PRIMA1: variants seen among roughly 807,000 people sequenced by gnomAD.
The protein encoded by PRIMA1 is proline-rich membrane anchor 1.
A neutral mutation model predicts 17.5 loss-of-function variants in PRIMA1; 7 were observed. The observed-to-expected ratio is 0.40, with a 90% CI of 0.23 to 0.75. The LOEUF (loss-of-function observed/expected upper bound fraction) is 0.75, where lower values mean the gene tolerates loss of function less well. PRIMA1 is among the 30% of genes least tolerant of loss of function. The pLI, the probability that PRIMA1 is intolerant of heterozygous loss-of-function variation, is 0.37. For synonymous variants in PRIMA1, 97 were observed against 77.9 expected (o/e 1.25, Z -1.29); for missense variants, 200 against 201.8 (o/e 0.99, Z 0.05).
intron 3 of PRIMA1, among the ~76,000 whole-genome samples, chr14:93,771,559 AC>A (rs914969381): frequency 2.0e-4 from 30 of 152,234 alleles, no homozygotes; most frequent in African/African-American, 7.2e-4. Context: ...TGCATGAAAG[AC>A]CCCAAGCAGG....
chr14:93,737,687 A>G (rs1296515888), intron 3 of PRIMA1, among the ~76,000 whole-genome samples: 1 of 152,170 alleles, frequency 6.6e-6, no homozygotes, highest in Admixed American at 6.5e-5. Flanking sequence ...ACCTGGCTGA[A>G]GGCTCCCTGA....
rs8008104 is a variant in PRIMA1 at position 93,720,026 on chromosome 14, A to G, written c.*1418T>C. On this transcript the variant is annotated 3_prime_UTR_variant, in exon 5 of 5. Transcript: ENST00000393140. ...CTCTGGACTTCAAAGTCTCACCTGTAGCTTAAACACCTATCAGAGGAGCAC... is the reference window on the plus strand; with the variant it reads ...CTCTGGACTTCAAAGTCTCACCTGTGGCTTAAACACCTATCAGAGGAGCAC... 11,949 of 152,320 alleles carry G rather than the reference A, an allele frequency of 0.078. 530 individuals carry two copies. The highest frequency in any genetic ancestry group is 0.19 in the Middle Eastern group (55 of 296). The allele number at this position is 152,320 out of a possible 1,614,324, so 9.4% of individuals were successfully genotyped here.
chr14:93,735,247 T>G lies in PRIMA1; in HGVS notation c.359+1994A>C, dbSNP rs529684815. ...CAAAAAGCAGCTACCGAAGCTAATC[T>G]TCAGTACTTCCTAGTGTCTAGTCAC... On this transcript the variant is annotated intron_variant, in intron 4 of 4. Coordinates refer to ENST00000393140, the MANE Select transcript of PRIMA1 (RefSeq NM_178013.4). 2.0e-5 allele frequency among the ~76,000 whole-genome samples: 3 copies of G among 152,322 alleles called. No individual in the cohort carries two copies. The South Asian group carries it at 6.2e-4, about 32-fold the overall frequency.
chr14:93,731,148 G>A (rs759479463), intron 4 of PRIMA1, among the ~76,000 whole-genome samples: 15 of 114,286 alleles, frequency 1.3e-4, no homozygotes, highest in Admixed American at 1.1e-3. Flanking sequence ...GTTACACTAA[G>A]GTAAGCACTG....
chr14:93,776,604 C>T (rs1885227731), intron 3 of PRIMA1, among the ~76,000 whole-genome samples: 2 of 152,206 alleles, frequency 1.3e-5, no homozygotes, highest in Admixed American at 6.5e-5. Context: ...AATATAGGCT[C>T]ATGTCACTTC....
chr14:93,719,832 A>G lies in PRIMA1; in HGVS notation c.*1612T>C, dbSNP rs1432694365. On this transcript the variant is annotated 3_prime_UTR_variant, in exon 5 of 5. Coordinates refer to ENST00000393140, the MANE Select transcript of PRIMA1 (RefSeq NM_178013.4). ...TCAAATAGAAGGAAATGAGGAAAGA[A>G]GAAAACCCCTTTATGGGAGGGTATG... 1 of 152,388 alleles carries G rather than the reference A, an allele frequency of 6.6e-6. No individual in the cohort carries two copies. Among genetic ancestry groups the G allele is most frequent in the Admixed American group, 6.5e-5 (1 of 15,284 alleles). 9.4% of individuals were successfully genotyped at this position (152,388 alleles called of 1,614,324 possible). A position where few individuals can be genotyped will look rare whatever the true frequency, so the allele number is the denominator to read the frequency against.
intron 2 of PRIMA1, among the ~76,000 whole-genome samples, chr14:93,786,040 G>C (rs1035810986): frequency 6.6e-6 from 1 of 152,160 alleles, no homozygotes; most frequent in Admixed American, 6.5e-5. Context: ...GATCCTACTA[G>C]CTTACACAGC....
chr14:93,743,679 TTC>T (rs1166884876), intron 3 of PRIMA1, among the ~76,000 whole-genome samples: 3 of 152,224 alleles, frequency 2.0e-5, no homozygotes, highest in Admixed American at 6.5e-5. Flanking sequence ...TGGGAGTTGT[TTC>T]TCTGTCTTAA....
Position 93,788,459 on chromosome 14 carries a change from C to G in PRIMA1, c.-81G>C, listed in dbSNP as rs893374166. ...ACCCTGGGCTCGGGGAAAAGAGGTCCGCGTTCCCCCCGCGGCAGCTCTGTT... is the reference window on the plus strand; with the variant it reads ...ACCCTGGGCTCGGGGAAAAGAGGTCGGCGTTCCCCCCGCGGCAGCTCTGTT... On this transcript the variant is annotated 5_prime_UTR_variant, in exon 1 of 5. Transcript: ENST00000393140. 6.6e-6 allele frequency: 1 copy of G among 152,344 alleles called. No individual in the cohort carries two copies. Among genetic ancestry groups the G allele is most frequent in the Non-Finnish European group, 1.5e-5 (1 of 68,142 alleles). 9.4% of individuals were successfully genotyped at this position (152,344 alleles called of 1,614,324 possible). A position where few individuals can be genotyped will look rare whatever the true frequency, so the allele number is the denominator to read the frequency against.
chr14:93,741,626 T>G (rs2076184802), intron 3 of PRIMA1, among the ~76,000 whole-genome samples: 2 of 152,196 alleles, frequency 1.3e-5, no homozygotes, highest in African/African-American at 4.8e-5. Context: ...ATTACAAAGC[T>G]AAGACCTGAT....
At chr14:93,746,871 G>C (rs1347532280) in intron 3 of PRIMA1, among the ~76,000 whole-genome samples, 1 of 152,156 alleles carries the variant, frequency 6.6e-6, no homozygotes, top group Admixed American at 6.5e-5. Flanking sequence ...GTTTGGGGCT[G>C]TGCTTGTGGG....
In PRIMA1 at chr14:93,779,232, G is replaced by GCCC; in HGVS notation, c.172_173insGGG (p.Pro58delinsArgAla). 1 of 1,061,462 alleles carries GCCC rather than the reference G, an allele frequency of 9.4e-7. No homozygotes were observed. Among genetic ancestry groups the GCCC allele is most frequent in the Non-Finnish European group, 1.3e-6 (1 of 740,844 alleles). 65.8% of individuals were successfully genotyped at this position (1,061,462 alleles called of 1,614,324 possible). A position where few individuals can be genotyped will look rare whatever the true frequency, so the allele number is the denominator to read the frequency against. Reference sequence around the variant, plus strand: ...GGGTGGGGGCGGCGGGGGCAGCGGGGGAGGGGGCCGGCACTGGCAGACGTG... The same window carrying GCCC: ...GGGTGGGGGCGGCGGGGGCAGCGGGGCCCGAGGGGGCCGGCACTGGCAGACGTG... On this transcript the variant is annotated protein_altering_variant, in exon 3 of 5. Coordinates refer to ENST00000393140, the MANE Select transcript of PRIMA1 (RefSeq NM_178013.4).
In PRIMA1 at chr14:93,779,237, G is replaced by C. The variant is rs200049408; in HGVS notation, c.168C>G (p.Pro56=). 4.0e-6 allele frequency: 6 copies of C among 1,505,786 alleles called. No individual in the cohort carries two copies. Among genetic ancestry groups the C allele is most frequent in the Non-Finnish European group, 5.3e-6 (6 of 1,132,064 alleles). 93.3% of individuals were successfully genotyped at this position (1,505,786 alleles called of 1,614,324 possible). A position where few individuals can be genotyped will look rare whatever the true frequency, so the allele number is the denominator to read the frequency against. The change falls in exon 3 of 5, where the codon CCC becomes CCG. Residue 56 remains proline, a synonymous_variant. Coordinates refer to ENST00000393140, the MANE Select transcript of PRIMA1 (RefSeq NM_178013.4). ...GGGGCGGCGGGGGCAGCGGGGGAGG[G>C]GGCCGGCACTGGCAGACGTGTCGGC... ...DSCRHVCQCR[P]PPPLPPPPPP...
At chr14:93,784,084 A>G (rs7158850) in intron 2 of PRIMA1, among the ~76,000 whole-genome samples, 152,299 of 152,300 alleles carry the variant, frequency 1, 76,149 homozygotes, top group Non-Finnish European at 1. Context: ...CTCATCTAGG[A>G]TTGCCAGATA....
At chr14:93,766,785 A>G (rs939629450) in intron 3 of PRIMA1, among the ~76,000 whole-genome samples, 3 of 152,222 alleles carry the variant, frequency 2.0e-5, no homozygotes, top group South Asian at 4.1e-4. Context: ...CAAAACCAAA[A>G]CAATCAAAAC....
In PRIMA1 at chr14:93,718,506, C is replaced by T. The variant is rs1394946079; in HGVS notation, c.*2938G>A. ...CTCCCAGGAGCAACTGTCCTCTCTCCAGTACACGCGGCACGTTGCTAAGAA... is the reference window on the plus strand; with the variant it reads ...CTCCCAGGAGCAACTGTCCTCTCTCTAGTACACGCGGCACGTTGCTAAGAA... On this transcript the variant is annotated 3_prime_UTR_variant, in exon 5 of 5. Transcript: ENST00000393140. 6.6e-6 allele frequency: 1 copy of T among 152,566 alleles called. No individual in the cohort carries two copies. Among genetic ancestry groups the T allele is most frequent in the Non-Finnish European group, 1.5e-5 (1 of 68,040 alleles). 9.5% of individuals were successfully genotyped at this position (152,566 alleles called of 1,614,324 possible). A position where few individuals can be genotyped will look rare whatever the true frequency, so the allele number is the denominator to read the frequency against.
Position 93,721,550 on chromosome 14 carries a change from GA to G in PRIMA1, c.360-5del. 1 of 1,601,272 alleles carries G rather than the reference GA, an allele frequency of 6.2e-7. No homozygotes were observed. The highest frequency in any genetic ancestry group is 2.2e-5 in the East Asian group (1 of 44,826). On this transcript the variant is annotated splice_region_variant and splice_polypyrimidine_tract_variant and intron_variant, in intron 4 of 4. Coordinates refer to ENST00000393140, the MANE Select transcript of PRIMA1 (RefSeq NM_178013.4). ...TTCGTCTTTTCTCAGTGGTTTCCTG[GA>G]AGTGGGGGGAGGGGACAGGAAAGGC...
intron 4 of PRIMA1, 50 bp from the exon 5 acceptor site, chr14:93,721,596 A>C (rs753171569): frequency 1.8e-6 from 2 of 1,126,986 alleles, no homozygotes; most frequent in Non-Finnish European, 2.7e-6. Flanking sequence ...GGAGGCAGGG[A>C]CACCATTAGT....
At chr14:93,755,365 G>A (rs965637443) in intron 3 of PRIMA1, among the ~76,000 whole-genome samples, 8 of 152,036 alleles carry the variant, frequency 5.3e-5, no homozygotes, top group South Asian at 4.1e-4. Context: ...TTTTTTTTAC[G>A]AGCTGAATGG....
Sources: gnomAD v4.1 joint callset for allele counts (sites outside exome capture counted in the v4.1 genomes callset) on GRCh38, gnomAD v4.1.1 for gene constraint, MANE v1.5 for transcripts, NCBI Gene and HGNC (gene_info 2026-07-23, HGNC 2026-07-21) for gene names.